The following ELOVL6 variants were observed in gnomAD, a reference collection of about 807,000 sequenced individuals.
The protein encoded by ELOVL6 is ELOVL fatty acid elongase 6, also known as very long chain fatty acid elongase 6.
In ELOVL6, 8 loss-of-function variants were observed where a neutral mutation model predicts 31.7. That is an observed-to-expected ratio of 0.25 (90% CI 0.15 to 0.45). The LOEUF (loss-of-function observed/expected upper bound fraction) is 0.45. Ranked by LOEUF, ELOVL6 falls within the 20% of genes least tolerant of loss-of-function variation. ELOVL6 has a pLI of 1.00. For missense variants in ELOVL6, 126 were observed against 326.4 expected, an observed-to-expected ratio of 0.39 and a Z score of 4.73; for synonymous variants, 101 against 117.7, an observed-to-expected ratio of 0.86 and a Z score of 0.92.
At chr4:110,167,063 A>G (rs995642353) in intron 1 of ELOVL6, among the ~76,000 whole-genome samples, 5 of 152,158 alleles carry the variant, frequency 3.3e-5, no homozygotes, top group African/African-American at 7.2e-5. Context: ...CATGTCAGGC[A>G]CACTCTCATC....
intron 1 of ELOVL6, among the ~76,000 whole-genome samples, chr4:110,125,247 A>C (rs1757460985): frequency 6.6e-6 from 1 of 152,170 alleles, no homozygotes; most frequent in Admixed American, 6.5e-5. Context: ...AACATTATAT[A>C]CCTATAAGCT....
chr4:110,197,951 C>A (rs1368825517), intron 1 of ELOVL6: 1 of 462,938 alleles, frequency 2.2e-6, no homozygotes, highest in Admixed American at 3.8e-5. Flanking sequence ...TCTCTCCCGC[C>A]TTCCCTGTCG....
At chr4:110,158,378 G>A (rs1194861147) in intron 1 of ELOVL6, among the ~76,000 whole-genome samples, 1 of 151,742 alleles carries the variant, frequency 6.6e-6, no homozygotes, top group Non-Finnish European at 1.5e-5. Flanking sequence ...TGTAGCACCT[G>A]TGAGATCAAC....
intron 1 of ELOVL6, among the ~76,000 whole-genome samples, chr4:110,159,658 T>C (rs1034670950): frequency 6.6e-6 from 1 of 152,220 alleles, no homozygotes; most frequent in African/African-American, 2.4e-5. Flanking sequence ...TACAATGATG[T>C]ATCTTTGAGA....
Position 110,198,249 on chromosome 4 carries a change from GT to G in ELOVL6, c.86del (p.Asn29ThrfsTer22). On this transcript the variant is annotated frameshift_variant, in exon 1 of 4. Coordinates refer to ENST00000302274, the MANE Select transcript of ELOVL6 (RefSeq NM_024090.3). LOFTEE classifies it high-confidence loss of function. ...ENEAIQWMQENWKKSFLFSAL... is the reference protein window; with the variant it reads ...ENEAIQWMQEXWKKSFLFSAL... ...TATCAGGCGAAAGCATCACGTACCA[GT>G]TTTCCTGCATCCATTGGATGGCTTC... 6.3e-7 allele frequency: 1 copy of G among 1,590,990 alleles called. No homozygotes were observed. The highest frequency in any genetic ancestry group is 1.7e-5 in the Admixed American group (1 of 59,998).
intron 1 of ELOVL6, among the ~76,000 whole-genome samples, chr4:110,144,038 G>A (rs970757250): frequency 1.7e-5 from 2 of 114,956 alleles, no homozygotes; most frequent in East Asian, 2.6e-4. Flanking sequence ...TGGGCAACAA[G>A]AGCGAAACTC....
intron 2 of ELOVL6, among the ~76,000 whole-genome samples, chr4:110,087,898 T>C (rs1263904955): frequency 1.3e-5 from 2 of 152,162 alleles, no homozygotes; most frequent in Non-Finnish European, 2.9e-5. Context: ...AGTCAAAAGA[T>C]GGTTCATTTT....
chr4:110,053,889 A>G (rs986890711), intron 3 of ELOVL6, among the ~76,000 whole-genome samples: 1 of 151,960 alleles, frequency 6.6e-6, no homozygotes, highest in Non-Finnish European at 1.5e-5. Flanking sequence ...CAGTGAGCCG[A>G]GATTGTGCCA....
At chr4:110,179,815 T>C (rs887106877) in intron 1 of ELOVL6, among the ~76,000 whole-genome samples, 1 of 152,172 alleles carries the variant, frequency 6.6e-6, no homozygotes, top group African/African-American at 2.4e-5. Flanking sequence ...ACTATAAACA[T>C]AAAAGAACCT....
rs1372065552 is a variant in ELOVL6 at position 110,084,134 on chromosome 4, A to ATAT, written c.221+21362_221+21363insATA. Among the ~76,000 whole-genome samples, 306 of 45,874 alleles carry ATAT rather than the reference A, an allele frequency of 6.7e-3. 41 individuals are homozygous for ATAT. Among genetic ancestry groups the ATAT allele is most frequent in the African/African-American group, 0.026 (142 of 5,400 alleles). The allele number at this position is 45,874 out of a possible 152,430, so 30.1% of individuals were successfully genotyped here. A position where few individuals can be genotyped will look rare whatever the true frequency, so the allele number is the denominator to read the frequency against. On this transcript the variant is annotated intron_variant, in intron 2 of 3. Transcript: ENST00000302274. ...ATGATATATATAACATATATGTGAT[A>ATAT]ATGATATATATGATATATATAACAT...
chr4:110,151,042 GAA>G (rs200890182), intron 1 of ELOVL6, among the ~76,000 whole-genome samples: 1 of 128,624 alleles, frequency 7.8e-6, no homozygotes, highest in Non-Finnish European at 1.7e-5. Context: ...GACTCCGTCT[GAA>G]AAAAAAAAAA....
At chr4:110,084,174 TG>T in intron 2 of ELOVL6, among the ~76,000 whole-genome samples, 1 of 107,996 alleles carries the variant, frequency 9.3e-6, no homozygotes, top group Non-Finnish European at 1.9e-5. Flanking sequence ...GTGATATATA[TG>T]ATATATATAA....
At chr4:110,192,691 A>G (rs1759658698) in intron 1 of ELOVL6, among the ~76,000 whole-genome samples, 1 of 152,238 alleles carries the variant, frequency 6.6e-6, no homozygotes, top group Non-Finnish European at 1.5e-5. Context: ...ATGAAAGTTC[A>G]TATCAAAGCT....
Position 110,094,021 on chromosome 4 carries a change from C to G in ELOVL6, c.221+11476G>C, listed in dbSNP as rs542203062. ...ATCCCAGCATTTTGGGAAGCCAAGG[C>G]AGGCAGATTACTGAGGTCAGGAGTT... is the stretch of plus-strand genomic sequence containing the variant. On this transcript the variant is annotated intron_variant, in intron 2 of 3. Coordinates refer to ENST00000302274, the MANE Select transcript of ELOVL6 (RefSeq NM_024090.3). Among the ~76,000 whole-genome samples, 281 of 151,964 alleles carry G rather than the reference C, an allele frequency of 1.8e-3. 1 individual carries two copies. Among genetic ancestry groups the G allele is most frequent in the African/African-American group, 6.4e-3 (267 of 41,452 alleles).
At chr4:110,187,623 G>A (rs1478292565) in intron 1 of ELOVL6, among the ~76,000 whole-genome samples, 1 of 151,342 alleles carries the variant, frequency 6.6e-6, no homozygotes, top group African/African-American at 2.4e-5. Context: ...TTGAACCCAG[G>A]AGGCAGAGGT....
chr4:110,199,129 A>G (rs940087993), upstream of ELOVL6: 3 of 151,160 alleles, frequency 2.0e-5, no homozygotes, highest in African/African-American at 7.3e-5. Flanking sequence ...GAGCTCCTTA[A>G]TCTCGTACAG....
chr4:110,085,341 G>C (rs1336686728), intron 2 of ELOVL6, among the ~76,000 whole-genome samples: 1 of 152,214 alleles, frequency 6.6e-6, no homozygotes, highest in Non-Finnish European at 1.5e-5. Context: ...CCTCAAGTGA[G>C]AGGTTACCAG....
Position 110,048,785 on chromosome 4 carries a change from T to A in ELOVL6, c.*2553A>T, listed in dbSNP as rs1340930352. ...GCCTTTAGATATATTTAGCTAATTT[T>A]AAAACTATTAAGACATTCACCCTGT... On this transcript the variant is annotated 3_prime_UTR_variant, in exon 4 of 4. Coordinates refer to ENST00000302274, the MANE Select transcript of ELOVL6 (RefSeq NM_024090.3). 3 of 152,242 alleles carry A rather than the reference T, an allele frequency of 2.0e-5. No individual in the cohort carries two copies. The highest frequency in any genetic ancestry group is 4.8e-5 in the African/African-American group (2 of 41,462). 9.4% of individuals were successfully genotyped at this position (152,242 alleles called of 1,614,324 possible).
intron 2 of ELOVL6, among the ~76,000 whole-genome samples, chr4:110,102,767 C>T (rs982726384): frequency 6.6e-6 from 1 of 152,034 alleles, no homozygotes; most frequent in African/African-American, 2.4e-5. Flanking sequence ...ACTTACTCAG[C>T]ACCAACAACC....
Sources: allele counts gnomAD v4.1 joint callset (sites outside exome capture counted in the v4.1 genomes callset), GRCh38; gene constraint gnomAD v4.1.1; transcripts MANE v1.5; gene names NCBI Gene and HGNC (gene_info 2026-07-23, HGNC 2026-07-21).